The following PLEKHA4 variants were observed in gnomAD, a reference collection of about 807,000 sequenced individuals.
The protein encoded by PLEKHA4 is pleckstrin homology domain-containing family A member 4.
Under a neutral mutation model 94.7 loss-of-function variants are expected in PLEKHA4, and 73 were observed. The ratio of observed to expected loss-of-function variants is 0.77; its 90% confidence interval spans 0.64 to 0.94. The LOEUF is 0.94. PLEKHA4 is among the 40% of genes least tolerant of loss of function. PLEKHA4 has a pLI of 0.00. For missense variants in PLEKHA4, 1,049 were observed against 1,054.1 expected, an observed-to-expected ratio of 1.00 and a Z score of 0.07; for synonymous variants, 449 against 437.1, an observed-to-expected ratio of 1.03 and a Z score of -0.34.
intron 14 of PLEKHA4, among the ~76,000 whole-genome samples, chr19:48,846,539 G>T (rs2035978159): frequency 6.6e-6 from 1 of 151,966 alleles, no homozygotes; most frequent in African/African-American, 2.4e-5. Context: ...GGCCGAGATG[G>T]GAGGATCACT....
At chr19:48,840,183 G>A (rs748634861) in intron 17 of PLEKHA4, among the ~76,000 whole-genome samples, 11 of 151,934 alleles carry the variant, frequency 7.2e-5, no homozygotes, top group Non-Finnish European at 1.2e-4. Flanking sequence ...CTCCTTCCAA[G>A]GCAGGAGGAT....
Position 48,861,514 on chromosome 19 carries a change from G to T in PLEKHA4, c.266-13C>A, listed in dbSNP as rs2036639403. ...TCCTCGCGGCTGTCTGCAAAGAGGG[G>T]CTGGGGTCAAGGATCACACAGGGAT... On this transcript the variant is annotated splice_polypyrimidine_tract_variant and intron_variant, in intron 4 of 19. Transcript: ENST00000263265. 1 of 1,613,518 alleles carries T rather than the reference G, an allele frequency of 6.2e-7. No homozygotes were observed. Among genetic ancestry groups the T allele is most frequent in the South Asian group, 1.1e-5 (1 of 91,066 alleles).
At chr19:48,844,682 C>T (rs2035898383) in intron 16 of PLEKHA4, 1 of 976,800 alleles carries the variant, frequency 1.0e-6, no homozygotes, top group Non-Finnish European at 1.2e-6. Flanking sequence ...GCAACAGACA[C>T]AGAGCACAGA....
chr19:48,858,642 A>AAAAAAAAAAAAAAAAAAAAAC (rs2036516271), intron 8 of PLEKHA4, among the ~76,000 whole-genome samples: 1 of 150,440 alleles, frequency 6.6e-6, no homozygotes, highest in African/African-American at 2.5e-5. Flanking sequence ...AAAAAAAAAA[A>AAAAAAAAAAAAAAAAAAAAAC]AAGCAATGGC....
In PLEKHA4 at chr19:48,849,943, T is replaced by G. The variant is rs564559350; in HGVS notation, c.1426-1903A>C. Among the ~76,000 whole-genome samples, 3 of 152,306 alleles carry G rather than the reference T, an allele frequency of 2.0e-5. No homozygotes were observed. In the East Asian group the frequency reaches 5.8e-4, roughly 29 times the overall value. On this transcript the variant is annotated intron_variant, in intron 13 of 19. Coordinates refer to ENST00000263265, the MANE Select transcript of PLEKHA4 (RefSeq NM_020904.3). ...AACGAAAGGCATTGGCCGGGCGCAG[T>G]AGCTCATGCCTATAATCCCAGCACT... is the stretch of plus-strand genomic sequence containing the variant.
At position 48,867,720 on chromosome 19, in the gene PLEKHA4, G is replaced by T; in HGVS notation, c.-6-94C>A. The T allele has an allele frequency of 8.4e-7, 1 of 1,189,282 alleles. No homozygotes were observed. The highest frequency in any genetic ancestry group is 1.2e-6 in the Non-Finnish European group (1 of 835,378). The allele number at this position is 1,189,282 out of a possible 1,614,324, so 73.7% of individuals were successfully genotyped here. ...CTTGGAGGTCGGAGGAGGCTGCAGA[G>T]AAAGAGCCTGTTGTTTCGGGACTTG... On this transcript the variant is annotated intron_variant, in intron 1 of 19. Coordinates refer to ENST00000263265, the MANE Select transcript of PLEKHA4 (RefSeq NM_020904.3). The surrounding 1 kb of genome is among the most constrained non-coding windows in gnomAD (Gnocchi z 4.7).
intron 14 of PLEKHA4, among the ~76,000 whole-genome samples, chr19:48,846,625 G>C (rs182511162): frequency 3.3e-5 from 5 of 152,052 alleles, no homozygotes; most frequent in African/African-American, 1.2e-4. Flanking sequence ...AGAATTCGCC[G>C]GGCATGGTGG....
In PLEKHA4 at chr19:48,837,562, T is replaced by G; in HGVS notation, c.2078-11A>C. 2 of 1,612,938 alleles carry G rather than the reference T, an allele frequency of 1.2e-6. No homozygotes were observed. Among genetic ancestry groups the G allele is most frequent in the African/African-American group, 2.7e-5 (2 of 74,900 alleles). ...AGTCCAAATTTCCACCTGGAGAGGATGAGTGGGACATGAGAATGGCAAACC... is the reference window on the plus strand; with the variant it reads ...AGTCCAAATTTCCACCTGGAGAGGAGGAGTGGGACATGAGAATGGCAAACC... On this transcript the variant is annotated splice_polypyrimidine_tract_variant and intron_variant, in intron 19 of 19. Coordinates refer to ENST00000263265, the MANE Select transcript of PLEKHA4 (RefSeq NM_020904.3). This position sits in a 1 kb window ranked among gnomAD's most constrained non-coding sequence, Gnocchi z 4.3.
At chr19:48,857,267 C>T (rs763577267) in intron 9 of PLEKHA4, among the ~76,000 whole-genome samples, 155 bp downstream of exon 9, 1 of 152,170 alleles carries the variant, frequency 6.6e-6, no homozygotes, top group African/African-American at 2.4e-5. Flanking sequence ...CGGCCATGCG[C>T]TTTGTTACAG....
At chr19:48,855,401 C>A in intron 9 of PLEKHA4, among the ~76,000 whole-genome samples, 1 of 150,258 alleles carries the variant, frequency 6.7e-6, no homozygotes, top group Non-Finnish European at 1.5e-5. Context: ...GTCAGGAGTT[C>A]GAGACCAGCC....
intron 6 of PLEKHA4, 125 bp from the exon 7 acceptor site, chr19:48,859,809 C>T (rs2036568618): frequency 3.5e-6 from 3 of 867,642 alleles, no homozygotes; most frequent in Non-Finnish European, 5.3e-6. Context: ...AATCATCGTC[C>T]CCCTTCTTCA....
Position 48,845,537 on chromosome 19 carries a change from T to A in PLEKHA4, c.1646A>T (p.Asp549Val). 6.2e-7 allele frequency: 1 copy of A among 1,610,690 alleles called. No homozygotes were observed. The highest frequency in any genetic ancestry group is 1.1e-5 in the South Asian group (1 of 90,868). ...DWGRPPGGDK[D>V]LASPHLGLGS... ...CTCACCTAAGTGAGGGCTGGCGAGG[T>A]CTTTGTCGCCTCCAGGAGGCCGCCC... Residue 549 changes from aspartate to valine, a missense_variant, in exon 15 of 20, where the codon GAC (aspartate) becomes GTC (valine). By Grantham distance (152) the Asp-to-Val change is radical. Transcript: ENST00000263265.
chr19:48,860,606 G>C (rs941929917), intron 5 of PLEKHA4, 147 bp from the exon 6 acceptor site: 1 of 629,264 alleles, frequency 1.6e-6, no homozygotes, highest in East Asian at 2.8e-5. Context: ...AACATAATGA[G>C]ACACCCCCCT....
chr19:48,857,726 T>A lies in PLEKHA4; in HGVS notation c.973-230A>T, dbSNP rs542538982. 1.6e-4 allele frequency among the ~76,000 whole-genome samples: 24 copies of A among 151,066 alleles called. 1 individual carries two copies. The highest frequency in any genetic ancestry group is 4.2e-4 in the South Asian group (2 of 4,760). ...AGATGCTTGAAGGCAGCATGCTCGT[T>A]AAGAGTCATCACCACTCCCTAATCT... On this transcript the variant is annotated intron_variant, in intron 8 of 19. Coordinates refer to ENST00000263265, the MANE Select transcript of PLEKHA4 (RefSeq NM_020904.3).
chr19:48,857,473 A>G lies in PLEKHA4; in HGVS notation c.996T>C (p.Tyr332=), dbSNP rs1245410626. Residue 332 remains tyrosine, a synonymous_variant, in exon 9 of 20, where the codon TAT becomes TAC. Coordinates refer to ENST00000263265, the MANE Select transcript of PLEKHA4 (RefSeq NM_020904.3). ...RTQAHSGSPT[Y]LQLPPRPPGT... is the part of the protein sequence containing the mutation. ...CAGGGGGCCGCGGGGGGAGCTGGAG[A>G]TAAGTGGGGGAGCCAGAGTGTGCCT... 4 of 1,565,070 alleles carry G rather than the reference A, an allele frequency of 2.6e-6. No homozygotes were observed. Among genetic ancestry groups the G allele is most frequent in the East Asian group, 2.4e-5 (1 of 42,394 alleles).
In PLEKHA4 at chr19:48,868,446, T is replaced by TTC. The variant is rs59261648; in HGVS notation, c.-372_-371dup. On this transcript the variant is annotated 5_prime_UTR_variant, in exon 1 of 20. The change abolishes the stop of an existing upstream ORF in the 5' untranslated region. Coordinates refer to ENST00000263265, the MANE Select transcript of PLEKHA4 (RefSeq NM_020904.3). ...GTCTCTTCCTTAAGTCTCTGTCTCA[T>TTC]TCTCTCTCTCTCTCTCTCTCTGTCT... The TTC allele has an allele frequency of 0.13, 19,263 of 149,478 alleles. 1,535 individuals are homozygous for TTC. Among genetic ancestry groups the TTC allele is most frequent in the Non-Finnish European group, 0.18 (12,253 of 67,154 alleles). 9.3% of individuals were successfully genotyped at this position (149,478 alleles called of 1,614,324 possible). A position where few individuals can be genotyped will look rare whatever the true frequency, so the allele number is the denominator to read the frequency against.
At chr19:48,858,273 C>T (rs2036498777) in intron 8 of PLEKHA4, among the ~76,000 whole-genome samples, 2 of 152,168 alleles carry the variant, frequency 1.3e-5, no homozygotes, top group South Asian at 4.1e-4. Context: ...GCAAACCTCT[C>T]ACCGCACTGT....
chr19:48,839,162 A>ATT, intron 18 of PLEKHA4, 43 bp downstream of exon 18: 8 of 1,454,698 alleles, frequency 5.5e-6, no homozygotes, highest in South Asian at 2.7e-5. Context: ...GCTTTTGCAA[A>ATT]TTTTTTTTTC....
chr19:48,857,454 G>A lies in PLEKHA4; in HGVS notation c.1015C>T (p.Pro339Ser), dbSNP rs936889720. 2 of 1,563,644 alleles carry A rather than the reference G, an allele frequency of 1.3e-6. No homozygotes were observed. The highest frequency in any genetic ancestry group is 2.0e-5 in the Admixed American group (1 of 48,872). Residue 339 changes from proline to serine, a missense_variant, in exon 9 of 20, where the codon CCC (proline) becomes TCC (serine). By Grantham distance (74) the Pro-to-Ser change is moderately conservative. Coordinates refer to ENST00000263265, the MANE Select transcript of PLEKHA4 (RefSeq NM_020904.3). ...SPTYLQLPPR[P>S]PGTRASMVLL... ...ACCATGGAGGCCCGGGTCCCAGGGG[G>A]CCGCGGGGGGAGCTGGAGATAAGTG... is the stretch of plus-strand genomic sequence containing the variant.
Sources: gnomAD v4.1 joint callset for allele counts (sites outside exome capture counted in the v4.1 genomes callset) on GRCh38, gnomAD v4.1.1 for gene constraint, Gnocchi (gnomAD v3.1) non-coding constraint, MANE v1.5 for transcripts, NCBI Gene and HGNC (gene_info 2026-07-23, HGNC 2026-07-21) for gene names.